The following UBAC1 variants were observed in gnomAD, a reference collection of about 807,000 sequenced individuals.
UBAC1 encodes UBA domain containing 1.
UBAC1 carries 27 observed loss-of-function variants against 45.9 expected under a neutral mutation model. The ratio of observed to expected loss-of-function variants is 0.59; its 90% CI spans 0.43 to 0.81. The LOEUF is 0.81. Ranked by LOEUF, UBAC1 falls within the 30% of genes least tolerant of loss-of-function variation. The probability of loss-of-function intolerance (pLI) is 0.00; values close to 1 mark genes in which losing one functional copy is unlikely to be tolerated. For missense variants in UBAC1, 529 were observed against 539.2 expected (o/e 0.98, Z 0.19); for synonymous variants, 227 against 215.5 (o/e 1.05, Z -0.47).
At chr9:135,959,838 A>C (rs1446344110) in intron 1 of UBAC1, among the ~76,000 whole-genome samples, 2 of 152,294 alleles carry the variant, frequency 1.3e-5, no homozygotes, top group African/African-American at 2.4e-5. Context: ...GAAAGCAGCC[A>C]AAACATACCG....
Position 135,947,617 on chromosome 9 carries a change from G to A in UBAC1, c.441+181C>T, listed in dbSNP as rs572124203. ...CAGATGGCTTTCCAACTCTTACTTGGAAATAATTTTTGATTTACAGAAAAA... is the reference window on the plus strand; with the variant it reads ...CAGATGGCTTTCCAACTCTTACTTGAAAATAATTTTTGATTTACAGAAAAA... On this transcript the variant is annotated intron_variant, in intron 4 of 9. Coordinates refer to ENST00000371756, the MANE Select transcript of UBAC1 (RefSeq NM_016172.3). 21 of 488,748 alleles carry A rather than the reference G, an allele frequency of 4.3e-5. 1 individual carries two copies. In the South Asian group the frequency reaches 7.6e-4, roughly 18 times the overall value. 30.3% of individuals were successfully genotyped at this position (488,748 alleles called of 1,614,324 possible).
At position 135,945,699 on chromosome 9, in the gene UBAC1, A is replaced by G. The variant is rs1041437154; in HGVS notation, c.653+190T>C. Reference sequence around the variant, plus strand: ...ACAACGGCCCAAAGAGAATTTACACAACGACTGTTCTGTCACATTCACCCC... The same window carrying G: ...ACAACGGCCCAAAGAGAATTTACACGACGACTGTTCTGTCACATTCACCCC... On this transcript the variant is annotated intron_variant, in intron 6 of 9. Coordinates refer to ENST00000371756, the MANE Select transcript of UBAC1 (RefSeq NM_016172.3). The G allele has an allele frequency of 5.6e-5, 33 of 594,078 alleles. 1 individual carries two copies. The South Asian group carries it at 6.8e-4, about 12-fold the overall frequency. The allele number at this position is 594,078 out of a possible 1,614,324, so 36.8% of individuals were successfully genotyped here.
chr9:135,953,236 T>C (rs1436261404), intron 3 of UBAC1, among the ~76,000 whole-genome samples: 4 of 152,138 alleles, frequency 2.6e-5, no homozygotes, highest in Admixed American at 2.6e-4. Context: ...TATAACCACA[T>C]CTACTGTAAA....
chr9:135,938,307 GCCCTTGT>G lies in UBAC1; in HGVS notation c.1010_1016del (p.Asp337AlafsTer22). 6.2e-7 allele frequency: 1 copy of G among 1,614,112 alleles called. No individual in the cohort carries two copies. Among genetic ancestry groups the G allele is most frequent in the South Asian group, 1.1e-5 (1 of 91,076 alleles). Reference sequence around the variant, plus strand: ...GAAAGAGAGGACTGTCGGGGTCGATGCCCTTGTCCAGCTCCTCCGGAGAGGGCTTCCG... The same window carrying G: ...GAAAGAGAGGACTGTCGGGGTCGATGCCAGCTCCTCCGGAGAGGGCTTCCG... On this transcript the variant is annotated frameshift_variant, in exon 9 of 10. Coordinates refer to ENST00000371756, the MANE Select transcript of UBAC1 (RefSeq NM_016172.3). LOFTEE classifies it high-confidence loss of function.
At position 135,939,693 on chromosome 9, in the gene UBAC1, T is replaced by C. The variant is rs747806415; in HGVS notation, c.943A>G (p.Asn315Asp). 1 of 1,613,932 alleles carries C rather than the reference T, an allele frequency of 6.2e-7. No homozygotes were observed. Among genetic ancestry groups the C allele is most frequent in the East Asian group, 2.2e-5 (1 of 44,882 alleles). Residue 315 changes from asparagine to aspartate, a missense_variant, in exon 8 of 10, where the codon AAC becomes GAC. By Grantham distance (23) the Asn-to-Asp change is conservative. Coordinates refer to ENST00000371756, the MANE Select transcript of UBAC1 (RefSeq NM_016172.3). ...CTCACCGCGGCATTCTGCTGGTTGTTGTTCACTCTGAGGGCATCTATCACC... is the reference window on the plus strand; with the variant it reads ...CTCACCGCGGCATTCTGCTGGTTGTCGTTCACTCTGAGGGCATCTATCACC... ...KEVIDALRVN[N>D]NQQNAACEWL...
chr9:135,940,579 C>CAA (rs530657427), intron 7 of UBAC1, among the ~76,000 whole-genome samples: 9 of 70,270 alleles, frequency 1.3e-4, no homozygotes, highest in Admixed American at 3.2e-4. Flanking sequence ...GACTCCATCT[C>CAA]AAAAAAAAAA....
At chr9:135,960,846 A>G (rs1050831763) in intron 1 of UBAC1, among the ~76,000 whole-genome samples, 179 bp downstream of exon 1, 1 of 152,086 alleles carries the variant, frequency 6.6e-6, no homozygotes, top group Non-Finnish European at 1.5e-5. Context: ...TGGGATCCGA[A>G]AGGGGGAGAG....
chr9:135,944,261 A>G (rs750104973), intron 7 of UBAC1, among the ~76,000 whole-genome samples: 1 of 152,200 alleles, frequency 6.6e-6, no homozygotes, highest in African/African-American at 2.4e-5. Context: ...CACCAGCAGA[A>G]GCAAACTCAG....
intron 3 of UBAC1, among the ~76,000 whole-genome samples, chr9:135,953,353 T>A (rs1417216053): frequency 6.6e-6 from 1 of 152,212 alleles, no homozygotes; most frequent in Non-Finnish European, 1.5e-5. Flanking sequence ...AGTCTTACTC[T>A]GTCGCCAGGC....
At chr9:135,953,118 T>C (rs111300483) in intron 3 of UBAC1, among the ~76,000 whole-genome samples, 6 of 152,208 alleles carry the variant, frequency 3.9e-5, no homozygotes, top group African/African-American at 1.4e-4. Flanking sequence ...CCTACCCTCC[T>C]CTCTGTCTCA....
rs560633941 is a variant in UBAC1, at chr9:135,933,228, C to A, written c.*172G>T. The A allele has an allele frequency of 5.3e-5, 32 of 602,460 alleles. No homozygotes were observed. In the East Asian group the frequency reaches 8.9e-4, roughly 17 times the overall value. 37.3% of individuals were successfully genotyped at this position (602,460 alleles called of 1,614,324 possible). A position where few individuals can be genotyped will look rare whatever the true frequency, so the allele number is the denominator to read the frequency against. Reference sequence around the variant, plus strand: ...GCTAAAAATACGGCCTTACACACTACCGTCACCAAAGTTTATAAGCAATAA... The same window carrying A: ...GCTAAAAATACGGCCTTACACACTAACGTCACCAAAGTTTATAAGCAATAA... On this transcript the variant is annotated 3_prime_UTR_variant, in exon 10 of 10. Coordinates refer to ENST00000371756, the MANE Select transcript of UBAC1 (RefSeq NM_016172.3).
intron 1 of UBAC1, among the ~76,000 whole-genome samples, chr9:135,959,366 T>G (rs1201117036): frequency 7.2e-5 from 10 of 138,144 alleles, no homozygotes; most frequent in Non-Finnish European, 1.2e-4. Context: ...TAGGGTTTTT[T>G]GTCTGGTTTT....
intron 1 of UBAC1, among the ~76,000 whole-genome samples, chr9:135,957,810 T>C (rs1000268510): frequency 4.6e-5 from 7 of 150,702 alleles, no homozygotes; most frequent in Non-Finnish European, 7.4e-5. Context: ...GGTCTCATTC[T>C]GTCACCCAGG....
chr9:135,937,949 C>T (rs775283038), intron 9 of UBAC1, among the ~76,000 whole-genome samples: 6 of 152,334 alleles, frequency 3.9e-5, no homozygotes, highest in South Asian at 2.1e-4. Flanking sequence ...CGCTGGCCCT[C>T]GGAAAGCCAC....
chr9:135,959,017 CG>C (rs1177697747), intron 1 of UBAC1, among the ~76,000 whole-genome samples: 2 of 152,194 alleles, frequency 1.3e-5, no homozygotes, highest in Non-Finnish European at 2.9e-5. Context: ...AGCATTGCAT[CG>C]GAACTGGCTG....
rs1357965531 is a variant in UBAC1, at chr9:135,961,256, G to A, written c.-94C>T. On this transcript the variant is annotated 5_prime_UTR_variant, in exon 1 of 10. Transcript: ENST00000371756. ...GAGGGGGCGGGGCCAGACCGCCCGC[G>A]CGCTCCTTCGCTGGGCCGCCGCCCC... The A allele has an allele frequency of 8.7e-7, 1 of 1,143,782 alleles. No homozygotes were observed. The highest frequency in any genetic ancestry group is 1.1e-6 in the Non-Finnish European group (1 of 916,116). The allele number at this position is 1,143,782 out of a possible 1,614,324, so 70.9% of individuals were successfully genotyped here. A position where few individuals can be genotyped will look rare whatever the true frequency, so the allele number is the denominator to read the frequency against.
chr9:135,951,670 C>T (rs537479243), intron 3 of UBAC1, among the ~76,000 whole-genome samples: 17 of 148,862 alleles, frequency 1.1e-4, no homozygotes, highest in African/African-American at 4.2e-4. Flanking sequence ...ATTAGCCGGG[C>T]GTGGTGGCAC....
intron 3 of UBAC1, among the ~76,000 whole-genome samples, chr9:135,952,510 T>C (rs1442058778): frequency 6.6e-6 from 1 of 152,228 alleles, no homozygotes; most frequent in African/African-American, 2.4e-5. Context: ...TTCCAAAACA[T>C]GAGCTTCTAG....
chr9:135,947,727 A>C, intron 4 of UBAC1, 71 bp downstream of exon 4: 1 of 1,289,012 alleles, frequency 7.8e-7, no homozygotes, highest in Non-Finnish European at 1.1e-6. Context: ...CCCGCCCCGC[A>C]GGAACCCCCC....
Sources: gnomAD v4.1 joint callset for allele counts (sites outside exome capture counted in the v4.1 genomes callset) on GRCh38, gnomAD v4.1.1 for gene constraint, MANE v1.5 for transcripts, NCBI Gene and HGNC (gene_info 2026-07-23, HGNC 2026-07-21) for gene names.